FGGY: variants seen among roughly 807,000 people sequenced by gnomAD.
FGGY encodes the protein FGGY carbohydrate kinase domain-containing protein.
In FGGY, 72 loss-of-function variants were observed where a neutral mutation model predicts 71.3. The observed-to-expected ratio is 1.01, with a 90% CI of 0.84 to 1.23. The LOEUF (loss-of-function observed/expected upper bound fraction) is 1.23. Ranked by LOEUF, FGGY falls within the 50% of genes most tolerant of loss-of-function variation. The probability of loss-of-function intolerance (pLI) is 0.00; values close to 1 mark genes in which losing one functional copy is unlikely to be tolerated. For missense variants in FGGY, 668 were observed against 682.3 expected, an observed-to-expected ratio of 0.98 and a Z score of 0.23; for synonymous variants, 251 against 250.3, an observed-to-expected ratio of 1.00 and a Z score of -0.02.
chr1:59,714,624 A>G lies in FGGY; in HGVS notation c.1512+40491A>G, dbSNP rs557341824. Among the ~76,000 whole-genome samples the G allele has an allele frequency of 8.2e-4, 125 of 152,306 alleles. 1 individual carries two copies. The highest frequency in any genetic ancestry group is 6.8e-3 in the Middle Eastern group (2 of 294). ...TAAATTCACATGCATAAAAACAACC[A>G]TTACTATGTCTTCTCAGCTACAGTA... On this transcript the variant is annotated intron_variant, in intron 14 of 15. Coordinates refer to ENST00000303721, the MANE Select transcript of FGGY (RefSeq NM_018291.5).
intron 8 of FGGY, among the ~76,000 whole-genome samples, chr1:59,586,543 A>T (rs1462172267): frequency 1.3e-5 from 2 of 152,130 alleles, no homozygotes; most frequent in Non-Finnish European, 2.9e-5. Flanking sequence ...GCATTAGGAG[A>T]TATACCTAAT....
At chr1:59,576,220 TA>T (rs1009732698) in intron 8 of FGGY, among the ~76,000 whole-genome samples, 3 of 152,186 alleles carry the variant, frequency 2.0e-5, no homozygotes, top group Admixed American at 6.5e-5. Context: ...TATGCAGCCA[TA>T]AAAAAGAATG....
At chr1:59,395,247 TTGAGAAATC>T (rs2061186385) in intron 5 of FGGY, among the ~76,000 whole-genome samples, 1 of 152,122 alleles carries the variant, frequency 6.6e-6, no homozygotes, top group Admixed American at 6.5e-5. Flanking sequence ...GTGTTAGGTG[TTGAGAAATC>T]TGAGAAATCG....
chr1:59,316,674 C>T (rs1267702815), intron 1 of FGGY, among the ~76,000 whole-genome samples: 4 of 152,124 alleles, frequency 2.6e-5, no homozygotes, highest in Non-Finnish European at 5.9e-5. Flanking sequence ...TTATACAGAA[C>T]AGTCTTTTGA....
At chr1:59,558,893 A>T (rs928608403) in intron 8 of FGGY, among the ~76,000 whole-genome samples, 1 of 152,130 alleles carries the variant, frequency 6.6e-6, no homozygotes, top group Admixed American at 6.5e-5. Context: ...TTGCTGGGAA[A>T]ATAATTTAGC....
intron 8 of FGGY, among the ~76,000 whole-genome samples, chr1:59,593,132 C>T (rs2096476544): frequency 6.6e-6 from 1 of 152,130 alleles, no homozygotes; most frequent in South Asian, 2.1e-4. Context: ...ATTTATGTGG[C>T]CTGTGACCAC....
intron 2 of FGGY, chr1:59,331,695 A>G (rs1263258274): frequency 6.6e-6 from 1 of 152,098 alleles, no homozygotes; most frequent in African/African-American, 2.4e-5. Flanking sequence ...TCTCCAAAAG[A>G]GCAAGGATTA....
chr1:59,728,214 T>C (rs910575106), intron 14 of FGGY, among the ~76,000 whole-genome samples: 4 of 152,062 alleles, frequency 2.6e-5, no homozygotes, highest in Admixed American at 1.3e-4. Flanking sequence ...TTTTAAAAGG[T>C]AGTAATGTCC....
intron 3 of FGGY, among the ~76,000 whole-genome samples, chr1:59,342,648 G>C (rs1387155277): frequency 6.6e-6 from 1 of 152,098 alleles, no homozygotes; most frequent in East Asian, 1.9e-4. Flanking sequence ...GAATTATAAA[G>C]GTGGTTTGAA....
chr1:59,338,796 AACTTT>A (rs1409453783), intron 2 of FGGY, among the ~76,000 whole-genome samples: 6 of 152,192 alleles, frequency 3.9e-5, no homozygotes, highest in African/African-American at 1.2e-4. Context: ...TTCTATATAT[AACTTT>A]ACTTACTTTT....
chr1:59,326,265 G>T (rs781023024), intron 2 of FGGY, among the ~76,000 whole-genome samples: 27 of 152,156 alleles, frequency 1.8e-4, no homozygotes, highest in Non-Finnish European at 3.4e-4. Context: ...AGATGAAACA[G>T]CTTAATTGTA....
At chr1:59,712,740 C>A (rs1266038112) in intron 14 of FGGY, among the ~76,000 whole-genome samples, 1 of 152,158 alleles carries the variant, frequency 6.6e-6, no homozygotes, top group Non-Finnish European at 1.5e-5. Flanking sequence ...TCATGGGGAT[C>A]CTGGGCCCGG....
At chr1:59,670,084 A>T in intron 13 of FGGY, among the ~76,000 whole-genome samples, 1 of 152,346 alleles carries the variant, frequency 6.6e-6, no homozygotes, top group African/African-American at 2.4e-5. Context: ...GAGACCTTTT[A>T]TTTAGCCTGG....
intron 14 of FGGY, among the ~76,000 whole-genome samples, chr1:59,709,086 G>A (rs529382537): frequency 7.3e-5 from 11 of 151,420 alleles, no homozygotes; most frequent in Non-Finnish European, 1.3e-4. Flanking sequence ...ACGCGCGCGC[G>A]CATACACGTC....
chr1:59,704,069 A>G (rs1249980583), intron 14 of FGGY, among the ~76,000 whole-genome samples: 1 of 152,182 alleles, frequency 6.6e-6, no homozygotes, highest in Non-Finnish European at 1.5e-5. Context: ...CCTATGCAGT[A>G]GTTACTCTGA....
chr1:59,344,990 C>T (rs1013865268), intron 3 of FGGY, among the ~76,000 whole-genome samples: 1 of 152,154 alleles, frequency 6.6e-6, no homozygotes, highest in African/African-American at 2.4e-5. Context: ...TATCTGTTCT[C>T]TATGCAGATC....
At chr1:59,577,779 C>T (rs796720603) in intron 8 of FGGY, among the ~76,000 whole-genome samples, 6 of 152,126 alleles carry the variant, frequency 3.9e-5, no homozygotes, top group African/African-American at 1.4e-4. Flanking sequence ...TTTCAGTGTC[C>T]AGAAATTGAT....
intron 4 of FGGY, among the ~76,000 whole-genome samples, chr1:59,372,459 C>T (rs1055758645): frequency 5.3e-5 from 8 of 152,270 alleles, no homozygotes; most frequent in South Asian, 4.1e-4. Flanking sequence ...GATGGATTCA[C>T]AGCCGAATTC....
chr1:59,627,755 G>T (rs2096873409), intron 10 of FGGY, among the ~76,000 whole-genome samples: 1 of 151,858 alleles, frequency 6.6e-6, no homozygotes, highest in Non-Finnish European at 1.5e-5. Context: ...GTGCCAGAAA[G>T]AAAAAAGTTA....
Sources: allele counts gnomAD v4.1 joint callset (sites outside exome capture counted in the v4.1 genomes callset), GRCh38; gene constraint gnomAD v4.1.1; transcripts MANE v1.5; gene names NCBI Gene and HGNC (gene_info 2026-07-23, HGNC 2026-07-21).